The following HMGXB4 variants were observed in gnomAD, a reference collection of about 807,000 sequenced individuals.
HMGXB4 encodes the protein HMG-box containing 4.
Under a neutral mutation model 63.9 loss-of-function variants are expected in HMGXB4, and 27 were observed. That is an observed-to-expected ratio of 0.42 (90% CI 0.31 to 0.58). The LOEUF is 0.58. Ranked by LOEUF, HMGXB4 falls within the 20% of genes least tolerant of loss-of-function variation. The pLI is 0.13. For missense variants in HMGXB4, 624 were observed against 700.7 expected (o/e 0.89, Z 1.24); for synonymous variants, 264 against 265.3 (o/e 0.99, Z 0.05).
chr22:35,262,501 A>C, intron 2 of HMGXB4, 80 bp downstream of exon 2: 1 of 1,344,574 alleles, frequency 7.4e-7, no homozygotes, highest in Non-Finnish European at 1.1e-6. Context: ...AGAGACCAGG[A>C]CTGGGCACCA....
chr22:35,269,123 TC>T (rs1923443745), intron 5 of HMGXB4, among the ~76,000 whole-genome samples: 1 of 152,224 alleles, frequency 6.6e-6, no homozygotes, highest in Non-Finnish European at 1.5e-5. Flanking sequence ...ACACCTGTAA[TC>T]CCAGCAGTTT....
chr22:35,267,689 C>T (rs1011814421), intron 5 of HMGXB4, among the ~76,000 whole-genome samples: 3 of 152,088 alleles, frequency 2.0e-5, no homozygotes, highest in African/African-American at 4.8e-5. Context: ...GAATGCTTAT[C>T]GCTTTTCTCA....
At chr22:35,280,391 A>G (rs1924175509) in intron 5 of HMGXB4, among the ~76,000 whole-genome samples, 1 of 152,234 alleles carries the variant, frequency 6.6e-6, no homozygotes, top group Non-Finnish European at 1.5e-5. Flanking sequence ...TAGCGTGGTC[A>G]GGATTCTAAT....
In HMGXB4 at chr22:35,274,884, A is replaced by G. The variant is rs183299772; in HGVS notation, c.1216-9078A>G. On this transcript the variant is annotated intron_variant, in intron 5 of 10. Transcript: ENST00000216106. ...CTCAGTCAAGTTAGTTCAGAAGAGC[A>G]TCAGGTGGTAAAATGGTTACAAGTC... Among the ~76,000 whole-genome samples the G allele has an allele frequency of 1.2e-3, 187 of 152,288 alleles. 1 individual carries two copies. The highest frequency in any genetic ancestry group is 4.4e-3 in the African/African-American group (182 of 41,566).
chr22:35,266,696 T>G (rs570424118), intron 5 of HMGXB4, among the ~76,000 whole-genome samples: 2 of 152,270 alleles, frequency 1.3e-5, no homozygotes, highest in Non-Finnish European at 2.9e-5. Context: ...GTATTAAGAA[T>G]CTGGGGCTGG....
At chr22:35,262,287 C>A in intron 1 of HMGXB4, 36 bp from the exon 2 acceptor site, 1 of 1,168,574 alleles carries the variant, frequency 8.6e-7, no homozygotes, top group South Asian at 1.2e-5. Context: ...TCAGTGATTT[C>A]GCATTACAGG....
intron 5 of HMGXB4, among the ~76,000 whole-genome samples, chr22:35,274,541 C>T (rs1923794657): frequency 6.6e-6 from 1 of 152,160 alleles, no homozygotes; most frequent in African/African-American, 2.4e-5. Context: ...TGAATTTTCA[C>T]AAGAACCCAA....
intron 3 of HMGXB4, among the ~76,000 whole-genome samples, chr22:35,263,476 TTTC>T: frequency 6.6e-6 from 1 of 151,992 alleles, no homozygotes; most frequent in Non-Finnish European, 1.5e-5. Context: ...AGAGACAGGG[TTTC>T]ACCATGTTGG....
At chr22:35,269,942 C>T (rs1011715610) in intron 5 of HMGXB4, among the ~76,000 whole-genome samples, 2 of 151,870 alleles carry the variant, frequency 1.3e-5, no homozygotes, top group African/African-American at 2.4e-5. Flanking sequence ...TGTGCCACTG[C>T]ACTCTAACCT....
chr22:35,290,411 C>T (rs1224309765), intron 9 of HMGXB4, among the ~76,000 whole-genome samples: 2 of 151,820 alleles, frequency 1.3e-5, no homozygotes, highest in African/African-American at 2.4e-5. Context: ...TTTGGGAGGC[C>T]GAGGCAGGCA....
At position 35,288,390 on chromosome 22, in the gene HMGXB4, C is replaced by G; in HGVS notation, c.1621C>G (p.Arg541Gly). The change falls in exon 9 of 11, where the codon CGT (arginine) becomes GGT (glycine). Residue 541 changes from arginine to glycine, a missense_variant. Coordinates refer to ENST00000216106, the MANE Select transcript of HMGXB4 (RefSeq NM_001003681.3). The stretch of plus-strand genomic sequence containing the variant: ...AGAGTCCCTAAGCCTCATTGGACAC[C>G]GTCTGCAGGAAACTGAGGTGAATAC... ...LGESLSLIGH[R>G]LQETEGMVAV... 6.3e-7 allele frequency: 1 copy of G among 1,599,062 alleles called. No homozygotes were observed. The highest frequency in any genetic ancestry group is 8.5e-7 in the Non-Finnish European group (1 of 1,171,762).
chr22:35,293,643 G>A lies in HMGXB4; in HGVS notation c.1798G>A (p.Gly600Arg), dbSNP rs1020141733. ...AGACAACATTGCTTACATCATGCCG[G>A]GACTGTGACAGCAAAGAATCCTGGG... ...TLDNIAYIMPGL is the reference protein window; with the variant it reads ...TLDNIAYIMPRL Residue 600 changes from glycine to arginine, a missense_variant, in exon 11 of 11, where the codon GGA becomes AGA. Gly to Arg is a moderately radical substitution (Grantham distance 125). Around this residue, in one of 2 missense-constraint regions of HMGXB4, gnomAD observed 152 missense variants for 230.1 expected, o/e 0.66. Coordinates refer to ENST00000216106, the MANE Select transcript of HMGXB4 (RefSeq NM_001003681.3). The A allele has an allele frequency of 1.2e-6, 2 of 1,610,568 alleles. No individual in the cohort carries two copies. The highest frequency in any genetic ancestry group is 1.3e-5 in the African/African-American group (1 of 74,802).
intron 6 of HMGXB4, among the ~76,000 whole-genome samples, chr22:35,285,606 G>A (rs1381275969): frequency 6.6e-6 from 1 of 152,120 alleles, no homozygotes; most frequent in Admixed American, 6.6e-5. Context: ...CCACGCCTGT[G>A]GTCCCGCTAC....
chr22:35,280,745 T>C (rs1033745761), intron 5 of HMGXB4, among the ~76,000 whole-genome samples: 1 of 152,182 alleles, frequency 6.6e-6, no homozygotes, highest in Non-Finnish European at 1.5e-5. Context: ...TCTAACATCA[T>C]CTCTTACCTC....
At chr22:35,244,180 A>C in the HMGXB4 span, among the ~76,000 whole-genome samples, 1 of 152,234 alleles carries the variant, frequency 6.6e-6, no homozygotes, top group Non-Finnish European at 1.5e-5. Flanking sequence ...TCTAGGACTC[A>C]TGATAGGAAT....
At position 35,265,512 on chromosome 22, in the gene HMGXB4, C is replaced by T; in HGVS notation, c.1124C>T (p.Pro375Leu). The change falls in exon 5 of 11, where the codon CCC (proline) becomes CTC (leucine). Residue 375 changes from proline (P) to leucine (L), a missense_variant. Coordinates refer to ENST00000216106, the MANE Select transcript of HMGXB4 (RefSeq NM_001003681.3). The part of the protein sequence containing the change: ...SIPYAGAAAP[P>L]LPLPGLHTDG... ...CCATACGCTGGAGCAGCAGCACCTC[C>T]CCTGCCACTTCCTGGCCTCCACACA... The T allele has an allele frequency of 6.2e-7, 1 of 1,613,792 alleles. No homozygotes were observed. Among genetic ancestry groups the T allele is most frequent in the Non-Finnish European group, 8.5e-7 (1 of 1,179,964 alleles).
At chr22:35,243,705 G>A in the HMGXB4 span, among the ~76,000 whole-genome samples, 15 of 152,008 alleles carry the variant, frequency 9.9e-5, no homozygotes, top group East Asian at 1.6e-3. Context: ...CACCACGCCC[G>A]GCTAATTTTT....
intron 4 of HMGXB4, chr22:35,264,139 C>A: frequency 7.8e-7 from 1 of 1,274,000 alleles, no homozygotes; most frequent in Non-Finnish European, 1.1e-6. Context: ...TTATCTTGTG[C>A]CCATTGTTAT....
intron 5 of HMGXB4, among the ~76,000 whole-genome samples, chr22:35,265,896 C>T (rs890555985): frequency 6.6e-6 from 1 of 151,744 alleles, no homozygotes; most frequent in African/African-American, 2.4e-5. Context: ...AAGCCTCACC[C>T]TCCCAAGTAG....
Sources: gnomAD v4.1 joint callset for allele counts (sites outside exome capture counted in the v4.1 genomes callset) on GRCh38, gnomAD v4.1.1 for gene constraint, gnomAD v4.1.1 regional missense constraint, MANE v1.5 for transcripts, NCBI Gene and HGNC (gene_info 2026-07-23, HGNC 2026-07-21) for gene names.